ABCB1: variants seen among roughly 807,000 people sequenced by gnomAD.
ABCB1 encodes ATP binding cassette subfamily B member 1.
Under a neutral mutation model 142.0 loss-of-function variants are expected in ABCB1, and 69 were observed. That is an observed-to-expected ratio of 0.49 (90% confidence interval 0.40 to 0.59). The LOEUF is 0.59. ABCB1 is among the 20% of genes least tolerant of loss of function. The pLI is 0.00. For synonymous variants in ABCB1, 532 were observed against 539.2 expected (o/e 0.99, Z 0.18); for missense variants, 1,326 against 1,554.7 (o/e 0.85, Z 2.47).
intron 21 of ABCB1, among the ~76,000 whole-genome samples, chr7:87,530,850 A>C (rs553547180): frequency 2.6e-3 from 361 of 136,296 alleles, no homozygotes; most frequent in Middle Eastern, 0.019. Flanking sequence ...AGAAAGAAAG[A>C]AAGAAAGAAA....
chr7:87,663,664 T>C lies in ABCB1; in HGVS notation c.-331+49497A>G, dbSNP rs536563913. Among the ~76,000 whole-genome samples the C allele has an allele frequency of 3.9e-5, 6 of 152,282 alleles. No individual in the cohort carries two copies. The South Asian group carries it at 1.2e-3, about 32-fold the overall frequency. ...ACTGAACTTAGGATGTTAGACAAGG[T>C]AGAGTAAGTCCAATAATAACCTAAT... On this transcript the variant is annotated intron_variant, in intron 1 of 28. Coordinates refer to the ABCB1 transcript ENST00000265724.
chr7:87,590,114 AT>A (rs1456628288), intron 3 of ABCB1, among the ~76,000 whole-genome samples: 2 of 152,208 alleles, frequency 1.3e-5, no homozygotes, highest in Non-Finnish European at 2.9e-5. Flanking sequence ...ATATGTGAAT[AT>A]TTTAAAATAT....
intron 17 of ABCB1, among the ~76,000 whole-genome samples, chr7:87,543,366 A>T (rs1289621702): frequency 6.6e-6 from 1 of 152,214 alleles, no homozygotes; most frequent in Non-Finnish European, 1.5e-5. Context: ...TCATGAATGA[A>T]TATATTAAAC....
At chr7:87,625,071 A>T (rs1820359977) in intron 1 of ABCB1, among the ~76,000 whole-genome samples, 1 of 152,142 alleles carries the variant, frequency 6.6e-6, no homozygotes, top group South Asian at 2.1e-4. Context: ...CCTGGCTAAC[A>T]CGGTGAAACC....
chr7:87,655,537 G>A (rs1585016272), intron 1 of ABCB1, among the ~76,000 whole-genome samples: 1 of 152,254 alleles, frequency 6.6e-6, no homozygotes, highest in East Asian at 1.9e-4. Flanking sequence ...TAGAAGTAGA[G>A]AGTAGAATGG....
At chr7:87,565,507 C>T (rs1392370640) in intron 7 of ABCB1, 11 of 449,760 alleles carry the variant, frequency 2.4e-5, no homozygotes, top group Admixed American at 1.7e-4. Context: ...TTATATGCAT[C>T]CTTAGGGACT....
chr7:87,517,163 A>AT (rs375564408), intron 23 of ABCB1, among the ~76,000 whole-genome samples: 3 of 151,930 alleles, frequency 2.0e-5, no homozygotes, highest in African/African-American at 7.3e-5. Flanking sequence ...AAAATGGCCC[A>AT]TTTTTTTCCC....
chr7:87,572,690 A>C (rs529526964), intron 4 of ABCB1, among the ~76,000 whole-genome samples: 1 of 152,362 alleles, frequency 6.6e-6, no homozygotes, highest in South Asian at 2.1e-4. Flanking sequence ...AATGTGGTAC[A>C]TAGATGCCAT....
At chr7:87,600,368 C>G (rs1201747975) in intron 1 of ABCB1, among the ~76,000 whole-genome samples, 178 bp from the exon 2 acceptor site, 1 of 152,202 alleles carries the variant, frequency 6.6e-6, no homozygotes, top group Non-Finnish European at 1.5e-5. Flanking sequence ...CGCGGGGTCT[C>G]CAGCATCTCC....
At chr7:87,612,959 C>T (rs1819904287) in intron 1 of ABCB1, among the ~76,000 whole-genome samples, 1 of 147,348 alleles carries the variant, frequency 6.8e-6, no homozygotes, top group Non-Finnish European at 1.5e-5. Flanking sequence ...CATAGTTGTT[C>T]CTTTAGAGAT....
rs923785015 is a variant in ABCB1, at chr7:87,621,008, T to TA, written c.-330-19931dup. ...AACTATGAAACGCCACCAAGTGAAA[T>TA]AAAAAAAAAATGTGAAGAAATAGAC... is the stretch of plus-strand genomic sequence containing the variant. On this transcript the variant is annotated intron_variant, in intron 1 of 28. Coordinates refer to the ABCB1 transcript ENST00000265724. 1.5e-3 allele frequency among the ~76,000 whole-genome samples: 218 copies of TA among 148,434 alleles called. 2 individuals are homozygous for TA. Among genetic ancestry groups the TA allele is most frequent in the Non-Finnish European group, 1.9e-3 (126 of 66,784 alleles).
rs769089888 is a variant in ABCB1, at chr7:87,544,905, C to T, written c.1982G>A (p.Ser661Asn). 15 of 1,614,004 alleles carry T rather than the reference C, an allele frequency of 9.3e-6. No homozygotes were observed. In the Admixed American group the frequency reaches 2.5e-4, roughly 27 times the overall value. ...ACGAGTTGATCTTTTTCTTATTAGACTGGATCTTGAATCATTTGAAGACAT... is the reference window on the plus strand; with the variant it reads ...ACGAGTTGATCTTTTTCTTATTAGATTGGATCTTGAATCATTTGAAGACAT... ...LEMSSNDSRS[S>N]LIRKRSTRRS... The change falls in exon 16 of 28, where the codon AGT (serine) becomes AAT (asparagine). Residue 661 changes from serine (S) to asparagine (N), a missense_variant. Physicochemically the swap from Ser to Asn is conservative, Grantham distance 46. Coordinates refer to ENST00000622132, the MANE Select transcript of ABCB1 (RefSeq NM_001348946.2).
At chr7:87,569,293 A>G (rs546563782) in intron 5 of ABCB1, among the ~76,000 whole-genome samples, 2 of 146,960 alleles carry the variant, frequency 1.4e-5, no homozygotes, top group Admixed American at 1.4e-4. Flanking sequence ...AGATCGCACC[A>G]CTGCACTCCA....
intron 3 of ABCB1, among the ~76,000 whole-genome samples, chr7:87,589,966 A>C (rs1818930865): frequency 6.6e-6 from 1 of 152,136 alleles, no homozygotes; most frequent in Non-Finnish European, 1.5e-5. Flanking sequence ...AATGCCAAAG[A>C]CTGGGCTTCC....
chr7:87,672,947 T>C (rs1334611040), intron 1 of ABCB1, among the ~76,000 whole-genome samples: 1 of 152,152 alleles, frequency 6.6e-6, no homozygotes, highest in Non-Finnish European at 1.5e-5. Context: ...TTAACTTGTC[T>C]TTCTCTATGA....
At chr7:87,704,641 A>G (rs1829429517) in intron 1 of ABCB1, among the ~76,000 whole-genome samples, 1 of 152,198 alleles carries the variant, frequency 6.6e-6, no homozygotes, top group Non-Finnish European at 1.5e-5. Flanking sequence ...AAGTACTGGT[A>G]TTGAGAATCA....
intron 3 of ABCB1, among the ~76,000 whole-genome samples, chr7:87,592,943 T>TC (rs1236421628): frequency 6.6e-6 from 1 of 151,758 alleles, no homozygotes; most frequent in African/African-American, 2.4e-5. Flanking sequence ...TTTTTTTTTT[T>TC]TTGAGACAGT....
At chr7:87,672,576 A>T (rs1417882171) in intron 1 of ABCB1, among the ~76,000 whole-genome samples, 1 of 152,144 alleles carries the variant, frequency 6.6e-6, no homozygotes, top group Non-Finnish European at 1.5e-5. Context: ...ACTTTGCCAG[A>T]GCTGCAACTT....
At chr7:87,509,531 G>T in intron 25 of ABCB1, 50 bp from the exon 26 acceptor site, 1 of 1,559,314 alleles carries the variant, frequency 6.4e-7, no homozygotes, top group Non-Finnish European at 8.8e-7. Context: ...CACTTTGAAT[G>T]TAGCACAATT....
Sources: allele counts gnomAD v4.1 joint callset (sites outside exome capture counted in the v4.1 genomes callset), GRCh38; gene constraint gnomAD v4.1.1; transcripts MANE v1.5; gene names NCBI Gene and HGNC (gene_info 2026-07-23, HGNC 2026-07-21).